Variants in DNER observed in about 807,000 individuals in gnomAD.
DNER encodes the protein delta/notch like EGF repeat containing.
A neutral mutation model predicts 78.2 loss-of-function variants in DNER; 33 were observed. That is an observed-to-expected ratio of 0.42 (90% CI 0.32 to 0.56). The LOEUF is 0.56. Ranked by LOEUF, DNER falls within the 20% of genes least tolerant of loss-of-function variation. The pLI is 0.11. For synonymous variants in DNER, 417 were observed against 384.8 expected, an observed-to-expected ratio of 1.08 and a Z score of -0.98; for missense variants, 918 against 975.3, an observed-to-expected ratio of 0.94 and a Z score of 0.78.
Position 229,554,941 on chromosome 2 carries a change from A to AGGGAAGGG in DNER, c.848-7850_848-7849insCCCTTCCC, listed in dbSNP as rs1559165523. On this transcript the variant is annotated intron_variant, in intron 4 of 12. Coordinates refer to ENST00000341772, the MANE Select transcript of DNER (RefSeq NM_139072.4). ...AGAAGAGAAGAGAAGAGAAGAGAGA[A>AGGGAAGGG]AAGGGAAGGGAAGGGAAGGGAAGGG... 2.6e-3 allele frequency among the ~76,000 whole-genome samples: 66 copies of AGGGAAGGG among 25,544 alleles called. 2 individuals carry two copies. Among genetic ancestry groups the AGGGAAGGG allele is most frequent in the Non-Finnish European group, 4.1e-3 (52 of 12,660 alleles). 16.8% of individuals were successfully genotyped at this position (25,544 alleles called of 152,430 possible).
Position 229,358,352 on chromosome 2 carries a change from A to G in DNER, c.*188T>C, listed in dbSNP as rs1467585411. The G allele has an allele frequency of 4.2e-6, 2 of 478,858 alleles. No individual in the cohort carries two copies. Among genetic ancestry groups the G allele is most frequent in the African/African-American group, 2.0e-5 (1 of 51,128 alleles). The allele number at this position is 478,858 out of a possible 1,614,324, so 29.7% of individuals were successfully genotyped here. A position where few individuals can be genotyped will look rare whatever the true frequency, so the allele number is the denominator to read the frequency against. ...CTGAAGGTACATTAAAACATCGTCT[A>G]TAGGTTTCACAAATTTTGTTTTTAA... is the stretch of plus-strand genomic sequence containing the variant. On this transcript the variant is annotated 3_prime_UTR_variant, in exon 13 of 13. Transcript: ENST00000341772.
intron 1 of DNER, among the ~76,000 whole-genome samples, chr2:229,697,610 T>A (rs753121370): frequency 6.6e-6 from 1 of 152,202 alleles, no homozygotes; most frequent in African/African-American, 2.4e-5. Context: ...GACTCTTTAT[T>A]AACTGTCTAC....
chr2:229,490,378 A>T (rs775160483), intron 6 of DNER, among the ~76,000 whole-genome samples: 78 of 152,346 alleles, frequency 5.1e-4, no homozygotes, highest in African/African-American at 1.9e-3. Flanking sequence ...TGGTACATCC[A>T]TACAATGGAA....
intron 1 of DNER, among the ~76,000 whole-genome samples, chr2:229,621,655 C>T (rs1698253158): frequency 6.6e-6 from 1 of 152,096 alleles, no homozygotes; most frequent in African/African-American, 2.4e-5. Flanking sequence ...ACACTTCCCA[C>T]ATGCTCCCAA....
intron 11 of DNER, among the ~76,000 whole-genome samples, chr2:229,369,670 C>T (rs1329918900): frequency 2.0e-5 from 3 of 152,094 alleles, no homozygotes; most frequent in Non-Finnish European, 4.4e-5. Flanking sequence ...CCTAAAAGCA[C>T]CAACCTGTAT....
intron 1 of DNER, among the ~76,000 whole-genome samples, chr2:229,665,035 G>C (rs1474558126): frequency 6.6e-6 from 1 of 152,168 alleles, no homozygotes; most frequent in Non-Finnish European, 1.5e-5. Flanking sequence ...TTGCGGAATA[G>C]TTACTAAGAA....
At chr2:229,621,368 A>C (rs1698248498) in intron 1 of DNER, among the ~76,000 whole-genome samples, 1 of 152,184 alleles carries the variant, frequency 6.6e-6, no homozygotes. Context: ...TTGACGACCA[A>C]ATGAAAGTGT....
chr2:229,569,209 C>T (rs1697171152), intron 4 of DNER, among the ~76,000 whole-genome samples: 1 of 152,118 alleles, frequency 6.6e-6, no homozygotes, highest in African/African-American at 2.4e-5. Flanking sequence ...CCACAGATAC[C>T]AAAATCTGAA....
chr2:229,587,842 C>T (rs1697530614), intron 3 of DNER, among the ~76,000 whole-genome samples: 1 of 152,136 alleles, frequency 6.6e-6, no homozygotes, highest in African/African-American at 2.4e-5. Flanking sequence ...CACTGCTTCC[C>T]TATGCCTCTC....
intron 8 of DNER, among the ~76,000 whole-genome samples, chr2:229,422,543 G>A (rs779189487): frequency 2.6e-5 from 4 of 152,052 alleles, no homozygotes; most frequent in East Asian, 1.9e-4. Context: ...CTGAGTGAGC[G>A]GATGAAGTCA....
chr2:229,566,602 A>G (rs1006253529), intron 4 of DNER, among the ~76,000 whole-genome samples: 2 of 152,126 alleles, frequency 1.3e-5, no homozygotes, highest in African/African-American at 4.8e-5. Flanking sequence ...TCAGGCCTCA[A>G]GAAGCTCTCA....
Position 229,591,746 on chromosome 2 carries a change from G to A in DNER, c.419C>T (p.Pro140Leu). Residue 140 changes from proline (P) to leucine (L), a missense_variant, in exon 2 of 13, where the codon CCA (proline) becomes CTA (leucine). Physicochemically the swap from Pro to Leu is moderately conservative, Grantham distance 98 (BLOSUM62 -3). Transcript: ENST00000341772. This position sits in a 1 kb window ranked among gnomAD's most constrained non-coding sequence, Gnocchi z 4.6. ...CATGGATTCGGTCCAGCCAGTGGCT[G>A]GGAGACTGGGAAGTGCCTGTTCACA... Reference protein sequence around the residue: ...PNCEQALPSLPATGWTESMAP... With the variant: ...PNCEQALPSLLATGWTESMAP... 1 of 1,614,172 alleles carries A rather than the reference G, an allele frequency of 6.2e-7. No individual in the cohort carries two copies. The highest frequency in any genetic ancestry group is 8.5e-7 in the Non-Finnish European group (1 of 1,180,022).
At chr2:229,534,649 C>G (rs1433470550) in intron 5 of DNER, among the ~76,000 whole-genome samples, 3 of 152,086 alleles carry the variant, frequency 2.0e-5, no homozygotes, top group South Asian at 2.1e-4. Context: ...AATACAAAAG[C>G]AAATGTAAAA....
intron 11 of DNER, among the ~76,000 whole-genome samples, chr2:229,376,068 G>A (rs115258479): frequency 0.019 from 2,967 of 152,250 alleles, 92 homozygotes; most frequent in African/African-American, 0.067. Flanking sequence ...GCCTTTTGCC[G>A]TGCTTGTAAG....
chr2:229,462,333 A>T (rs1447729036), intron 7 of DNER, among the ~76,000 whole-genome samples: 1 of 152,090 alleles, frequency 6.6e-6, no homozygotes, highest in Non-Finnish European at 1.5e-5. Context: ...TGACACTGGC[A>T]TTTTTTGCTG....
chr2:229,477,572 T>C (rs1186639485), intron 6 of DNER, among the ~76,000 whole-genome samples: 4 of 152,220 alleles, frequency 2.6e-5, no homozygotes, highest in Non-Finnish European at 2.9e-5. Flanking sequence ...GAGGATCACG[T>C]TGGTAGCTTC....
intron 1 of DNER, among the ~76,000 whole-genome samples, chr2:229,694,890 G>C (rs1699637566): frequency 6.6e-6 from 1 of 152,134 alleles, no homozygotes; most frequent in African/African-American, 2.4e-5. Context: ...TGAATGTGAG[G>C]ACATGAGATT....
At chr2:229,434,614 G>C (rs1387662247) in intron 8 of DNER, among the ~76,000 whole-genome samples, 1 of 152,126 alleles carries the variant, frequency 6.6e-6, no homozygotes, top group African/African-American at 2.4e-5. Context: ...TTTAAGAGTT[G>C]ATAAAGCAGT....
chr2:229,409,783 C>T (rs867685448), intron 9 of DNER, among the ~76,000 whole-genome samples: 3 of 152,116 alleles, frequency 2.0e-5, no homozygotes, highest in African/African-American at 2.4e-5. Context: ...AACCTGATTA[C>T]GGACAAGCAA....
Sources: allele counts gnomAD v4.1 joint callset (sites outside exome capture counted in the v4.1 genomes callset), GRCh38; gene constraint gnomAD v4.1.1; non-coding constraint Gnocchi (gnomAD v3.1); transcripts MANE v1.5; gene names NCBI Gene and HGNC (gene_info 2026-07-23, HGNC 2026-07-21).